CSMD3: variants seen among roughly 807,000 people sequenced by gnomAD.
CSMD3 encodes CUB and Sushi multiple domains 3.
Under a neutral mutation model 435.2 loss-of-function variants are expected in CSMD3, and 177 were observed. That is an observed-to-expected ratio of 0.41 (90% confidence interval 0.36 to 0.46). The LOEUF (loss-of-function observed/expected upper bound fraction) is 0.46, where lower values mean the gene tolerates loss of function less well. Ranked by LOEUF, CSMD3 falls within the 20% of genes least tolerant of loss-of-function variation. The pLI, the probability that CSMD3 is intolerant of heterozygous loss-of-function variation, is 0.34. For missense variants in CSMD3, 4,265 were observed against 4,504.6 expected (o/e 0.95, Z 1.52); for synonymous variants, 1,656 against 1,520.5 (o/e 1.09, Z -2.07).
intron 13 of CSMD3, among the ~76,000 whole-genome samples, chr8:112,720,714 T>G (rs2076839522): frequency 6.6e-6 from 1 of 152,194 alleles, no homozygotes; most frequent in South Asian, 2.1e-4. Flanking sequence ...CAGTGCCGGA[T>G]TCTGGCAATA....
At chr8:113,433,740 CCATGGATGTCTCTTTA>C (rs2094689150) in intron 1 of CSMD3, among the ~76,000 whole-genome samples, 1 of 152,176 alleles carries the variant, frequency 6.6e-6, no homozygotes, top group Non-Finnish European at 1.5e-5. Context: ...GGAAAACATC[CCATGGATGTCTCTTTA>C]CATGGGCGGG....
At chr8:113,340,993 T>G (rs990837586) in intron 1 of CSMD3, among the ~76,000 whole-genome samples, 17 of 152,166 alleles carry the variant, frequency 1.1e-4, no homozygotes, top group African/African-American at 4.1e-4. Context: ...GCAACCATCC[T>G]CTTAGGATCC....
chr8:113,245,890 G>A (rs555122984), intron 3 of CSMD3, among the ~76,000 whole-genome samples: 1 of 151,998 alleles, frequency 6.6e-6, no homozygotes, highest in African/African-American at 2.4e-5. Context: ...AATATTGTTT[G>A]CTACTATAAA....
intron 2 of CSMD3, 189 bp downstream of exon 2, chr8:113,314,382 T>C: frequency 1.7e-6 from 1 of 589,104 alleles, no homozygotes; most frequent in Non-Finnish European, 3.0e-6. Context: ...ATTAATGTAC[T>C]AGCAATATGA....
At chr8:112,858,244 G>T (rs1289189894) in intron 11 of CSMD3, among the ~76,000 whole-genome samples, 1 of 151,460 alleles carries the variant, frequency 6.6e-6, no homozygotes, top group Non-Finnish European at 1.5e-5. Flanking sequence ...GCATTATCTT[G>T]CTTATTTCTT....
chr8:112,764,547 G>A (rs2132163756), intron 13 of CSMD3, among the ~76,000 whole-genome samples: 1 of 151,402 alleles, frequency 6.6e-6, no homozygotes, highest in African/African-American at 2.4e-5. Flanking sequence ...TAAACTTGAG[G>A]GCTAAGTGTA....
chr8:112,376,409 G>A (rs1444411597), intron 38 of CSMD3, among the ~76,000 whole-genome samples: 1 of 152,098 alleles, frequency 6.6e-6, no homozygotes, highest in Non-Finnish European at 1.5e-5. Context: ...TGTATCTGAA[G>A]TTAGCAATAA....
chr8:113,209,609 G>A (rs2092809067), intron 3 of CSMD3, among the ~76,000 whole-genome samples: 1 of 152,060 alleles, frequency 6.6e-6, no homozygotes, highest in Admixed American at 6.6e-5. Context: ...ATGAGTAAAG[G>A]ATTAGCTGGA....
intron 3 of CSMD3, among the ~76,000 whole-genome samples, chr8:113,211,015 C>A (rs2092828382): frequency 1.3e-5 from 2 of 152,132 alleles, no homozygotes; most frequent in South Asian, 4.1e-4. Context: ...ACCTTCCAGT[C>A]TAGCTATCAT....
intron 13 of CSMD3, among the ~76,000 whole-genome samples, chr8:112,695,622 G>A (rs2076235458): frequency 6.6e-6 from 1 of 152,148 alleles, no homozygotes; most frequent in Admixed American, 6.6e-5. Context: ...CACAGCCAAT[G>A]TCATGCTGAA....
At chr8:113,143,741 A>T (rs2091606063) in intron 4 of CSMD3, among the ~76,000 whole-genome samples, 2 of 151,630 alleles carry the variant, frequency 1.3e-5, no homozygotes, top group Admixed American at 1.3e-4. Context: ...AACGTTCTTA[A>T]AATGACAAAA....
At chr8:112,249,755 A>G (rs1463072563) in intron 63 of CSMD3, among the ~76,000 whole-genome samples, 1 of 152,050 alleles carries the variant, frequency 6.6e-6, no homozygotes, top group Admixed American at 6.6e-5. Context: ...AAATGCATGC[A>G]TATTTTCATG....
chr8:112,589,509 A>G (rs1429781684), intron 22 of CSMD3, among the ~76,000 whole-genome samples: 1 of 152,168 alleles, frequency 6.6e-6, no homozygotes, highest in Non-Finnish European at 1.5e-5. Flanking sequence ...TATTACGGAT[A>G]ATTCTCACGA....
intron 4 of CSMD3, among the ~76,000 whole-genome samples, chr8:113,102,609 A>G (rs1286644248): frequency 6.6e-6 from 1 of 152,146 alleles, no homozygotes; most frequent in Non-Finnish European, 1.5e-5. Context: ...ATTAAGGAAC[A>G]AGAATTTCCT....
intron 32 of CSMD3, among the ~76,000 whole-genome samples, chr8:112,415,693 G>A (rs1233653807): frequency 6.6e-6 from 1 of 152,200 alleles, no homozygotes; most frequent in Non-Finnish European, 1.5e-5. Context: ...GTTTTACCCT[G>A]CAATGCCACA....
In CSMD3 at chr8:112,336,632, T is replaced by C. The variant is rs1824588215; in HGVS notation, c.7019+20A>G. The C allele has an allele frequency of 6.4e-7, 1 of 1,552,228 alleles. No individual in the cohort carries two copies. Among genetic ancestry groups the C allele is most frequent in the South Asian group, 1.1e-5 (1 of 89,770 alleles). On this transcript the variant is annotated intron_variant, in intron 44 of 70. Transcript: ENST00000297405. ...CTGTGTATATAATTGAATAAATCAA[T>C]AACAATAGTCCTGACTTACCATACA...
chr8:112,965,336 A>G lies in CSMD3; in HGVS notation c.1342+10501T>C, dbSNP rs75290659. 6.6e-3 allele frequency among the ~76,000 whole-genome samples: 997 copies of G among 152,068 alleles called. 12 individuals carry two copies. Among genetic ancestry groups the G allele is most frequent in the African/African-American group, 0.023 (957 of 41,524 alleles). ...CTTTAAAGTTAAGCTTTCTCTTTTG[A>G]TCAATTCAGTACATATTATTATCTT... On this transcript the variant is annotated intron_variant, in intron 7 of 70. Coordinates refer to ENST00000297405, the MANE Select transcript of CSMD3 (RefSeq NM_198123.2).
chr8:112,938,016 C>T (rs1461791607), intron 9 of CSMD3, among the ~76,000 whole-genome samples: 2 of 152,102 alleles, frequency 1.3e-5, no homozygotes, highest in Non-Finnish European at 2.9e-5. Flanking sequence ...TCTTGCCATA[C>T]CCAACTAAAA....
At chr8:113,094,021 G>A (rs557487200) in intron 5 of CSMD3, among the ~76,000 whole-genome samples, 3 of 151,948 alleles carry the variant, frequency 2.0e-5, no homozygotes, top group Non-Finnish European at 4.4e-5. Context: ...ACATCCAATA[G>A]GACATATTCT....
Sources: allele counts gnomAD v4.1 joint callset (sites outside exome capture counted in the v4.1 genomes callset), GRCh38; gene constraint gnomAD v4.1.1; transcripts MANE v1.5; gene names NCBI Gene and HGNC (gene_info 2026-07-23, HGNC 2026-07-21).